The following SYNE1 variants were observed in gnomAD, a reference collection of about 807,000 sequenced individuals.
SYNE1 encodes the protein spectrin repeat containing nuclear envelope protein 1, also known as nesprin-1.
Under a neutral mutation model 1,111.0 loss-of-function variants are expected in SYNE1, and 616 were observed. That is an observed-to-expected ratio of 0.55 (90% CI 0.52 to 0.59). The LOEUF is 0.59. SYNE1 is among the 20% of genes least tolerant of loss of function. The pLI is 0.00. For missense variants in SYNE1, 10,006 were observed against 10,417.0 expected (o/e 0.96, Z 1.72); for synonymous variants, 3,855 against 3,825.8 (o/e 1.01, Z -0.28).
intron 126 of SYNE1, among the ~76,000 whole-genome samples, chr6:152,203,018 G>C (rs574180764): frequency 6.6e-6 from 1 of 152,304 alleles, no homozygotes; most frequent in African/African-American, 2.4e-5. Flanking sequence ...GGCCAGGGCA[G>C]GTGGTAGAGA....
intron 31 of SYNE1, among the ~76,000 whole-genome samples, chr6:152,441,730 T>A (rs1371417988): frequency 6.6e-6 from 1 of 152,176 alleles, no homozygotes; most frequent in Non-Finnish European, 1.5e-5. Context: ...GTGGCATAAA[T>A]GTGTGGCTGC....
At chr6:152,283,180 C>T (rs1417728995) in intron 96 of SYNE1, among the ~76,000 whole-genome samples, 1 of 152,184 alleles carries the variant, frequency 6.6e-6, no homozygotes, top group Non-Finnish European at 1.5e-5. Flanking sequence ...ACAGATATTA[C>T]TGCTGCCCAA....
intron 101 of SYNE1, among the ~76,000 whole-genome samples, chr6:152,260,256 A>T (rs895203224): frequency 2.0e-5 from 3 of 152,202 alleles, no homozygotes; most frequent in African/African-American, 7.2e-5. Flanking sequence ...GATTGGAGGG[A>T]TACTAGAATA....
chr6:152,258,878 T>G (rs553265841), intron 101 of SYNE1, among the ~76,000 whole-genome samples: 42 of 152,046 alleles, frequency 2.8e-4, no homozygotes, highest in Non-Finnish European at 5.1e-4. Context: ...CTGAATAGCT[T>G]GGATTACAGG....
chr6:152,190,575 T>C (rs2071969251), intron 127 of SYNE1, among the ~76,000 whole-genome samples: 1 of 152,278 alleles, frequency 6.6e-6, no homozygotes, highest in African/African-American at 2.4e-5. Flanking sequence ...TCCTTTGTGT[T>C]ACAAACAATC....
chr6:152,285,288 C>T (rs2094267699), intron 95 of SYNE1, among the ~76,000 whole-genome samples: 1 of 152,104 alleles, frequency 6.6e-6, no homozygotes, highest in South Asian at 2.1e-4. Context: ...TCTGAATATC[C>T]CCACTGCCCC....
At chr6:152,516,505 T>C (rs564602122) in intron 6 of SYNE1, among the ~76,000 whole-genome samples, 2 of 152,336 alleles carry the variant, frequency 1.3e-5, no homozygotes, top group South Asian at 2.1e-4. Context: ...CCAATCAATA[T>C]AACTCAGAAT....
chr6:152,361,927 A>G (rs1271448359), intron 64 of SYNE1, among the ~76,000 whole-genome samples: 4 of 152,082 alleles, frequency 2.6e-5, no homozygotes, highest in Non-Finnish European at 5.9e-5. Flanking sequence ...TACATTTTAA[A>G]TGGTTTGTAT....
intron 93 of SYNE1, among the ~76,000 whole-genome samples, chr6:152,297,421 A>G (rs2094931607): frequency 6.6e-6 from 1 of 152,106 alleles, no homozygotes; most frequent in South Asian, 2.1e-4. Context: ...GCCCTCGGCC[A>G]CACTACCTGC....
intron 122 of SYNE1, 131 bp from the exon 123 acceptor site, chr6:152,213,890 G>A: frequency 7.5e-7 from 1 of 1,332,862 alleles, no homozygotes; most frequent in Non-Finnish European, 1.0e-6. Flanking sequence ...CATGTCAGGT[G>A]GTAAAATTAT....
At chr6:152,188,965 AAAAAAAAAAAAAAAAAAAAATATATAT>A (rs1321247146) in intron 128 of SYNE1, among the ~76,000 whole-genome samples, 1 of 45,974 alleles carries the variant, frequency 2.2e-5, no homozygotes, top group Non-Finnish European at 3.9e-5. Context: ...CTCAAAAAAA[AAAAAAAAAAAAAAAAAAAAATATATAT>A]ATATATATAT....
chr6:152,220,322 C>A (rs143968730), intron 119 of SYNE1, among the ~76,000 whole-genome samples: 30 of 152,098 alleles, frequency 2.0e-4, no homozygotes, highest in African/African-American at 7.2e-4. Context: ...TTCCTTAAAC[C>A]CTTAAGTAGG....
At position 152,484,974 on chromosome 6, in the gene SYNE1, T is replaced by C; in HGVS notation, c.1048-2A>G. On this transcript the variant is annotated splice_acceptor_variant, in intron 12 of 145. Coordinates refer to ENST00000367255, the MANE Select transcript of SYNE1 (RefSeq NM_182961.4). LOFTEE classifies it high-confidence loss of function. ...TTGAACTCTGAAGTGCTTAAATGAC[T>C]AAAAGAGGAAAAACAGCAACAGTAT... 1 of 1,610,634 alleles carries C rather than the reference T, an allele frequency of 6.2e-7. No homozygotes were observed. Among genetic ancestry groups the C allele is most frequent in the Non-Finnish European group, 8.5e-7 (1 of 1,178,968 alleles).
rs144276162 is a variant in SYNE1 at position 152,430,700 on chromosome 6, G to C, written c.4471C>G (p.Gln1491Glu). The change falls in exon 35 of 146, where the codon CAG (glutamine) becomes GAG (glutamate). Residue 1491 changes from glutamine to glutamate, a missense_variant. Transcript: ENST00000367255. The part of the protein sequence containing the change: ...MQISQIKVTI[Q>E]EIESKLSSIV... ...CTGCTGAGCTTACTTTCTATTTCCTGAATTGTGACCTAATAGTTAAAACAA... is the reference window on the plus strand; with the variant it reads ...CTGCTGAGCTTACTTTCTATTTCCTCAATTGTGACCTAATAGTTAAAACAA... 4.6e-5 allele frequency: 75 copies of C among 1,613,888 alleles called. No homozygotes were observed. In the African/African-American group the frequency reaches 7.5e-4, roughly 16 times the overall value.
intron 101 of SYNE1, among the ~76,000 whole-genome samples, chr6:152,259,020 C>T (rs1203813352): frequency 6.6e-6 from 1 of 152,128 alleles, no homozygotes; most frequent in African/African-American, 2.4e-5. Flanking sequence ...GTTGGGATTA[C>T]AGGTGTGAGC....
rs1428310559 is a variant in SYNE1, at chr6:152,161,268, TAATA to T, written c.23790+2891_23790+2894del. Among the ~76,000 whole-genome samples, 7 of 148,302 alleles carry T rather than the reference TAATA, an allele frequency of 4.7e-5. No homozygotes were observed. In the East Asian group the frequency reaches 1.4e-3, roughly 29 times the overall value. ...TTCATAATAAACATATATTATTTAA[TAATA>T]AATATATATATTACATTACTACTAT... On this transcript the variant is annotated intron_variant, in intron 131 of 145. Coordinates refer to ENST00000367255, the MANE Select transcript of SYNE1 (RefSeq NM_182961.4).
Position 152,180,293 on chromosome 6 carries a change from A to C in SYNE1, c.23303T>G (p.Leu7768Arg). Residue 7768 changes from leucine (L) to arginine (R), a missense_variant and splice_region_variant, in exon 129 of 146, where the codon CTC becomes CGC. Coordinates refer to ENST00000367255, the MANE Select transcript of SYNE1 (RefSeq NM_182961.4). ...QRQWEELCHQLSLRRQQIGER... is the reference protein window; with the variant it reads ...QRQWEELCHQRSLRRQQIGER... ...ACCTATTTGCTGCCGCCTTAAGGAG[A>C]GCTGAAAAGTTTAAAATGGGAGAAT... 1.9e-6 allele frequency: 3 copies of C among 1,613,950 alleles called. No homozygotes were observed. The African/African-American group carries it at 4.0e-5, about 22-fold the overall frequency.
At chr6:152,295,552 T>C (rs2094829748) in intron 93 of SYNE1, among the ~76,000 whole-genome samples, 1 of 152,056 alleles carries the variant, frequency 6.6e-6, no homozygotes, top group Non-Finnish European at 1.5e-5. Context: ...CTTTACTTCA[T>C]CCACTTGGAA....
At chr6:152,564,425 T>G (rs1306912541) in intron 3 of SYNE1, among the ~76,000 whole-genome samples, 2 of 152,266 alleles carry the variant, frequency 1.3e-5, no homozygotes, top group East Asian at 3.9e-4. Context: ...CCAGCAATCT[T>G]CCTGCCTCAG....
Sources: gnomAD v4.1 joint callset for allele counts (sites outside exome capture counted in the v4.1 genomes callset) on GRCh38, gnomAD v4.1.1 for gene constraint, MANE v1.5 for transcripts, NCBI Gene and HGNC (gene_info 2026-07-23, HGNC 2026-07-21) for gene names.